GPCPD1: variants seen among roughly 807,000 people sequenced by gnomAD.
GPCPD1 encodes glycerophosphocholine phosphodiesterase 1.
GPCPD1 carries 29 observed loss-of-function variants against 89.2 expected under a neutral mutation model. The observed-to-expected ratio is 0.33, with a 90% CI of 0.24 to 0.44. The LOEUF is 0.44. GPCPD1 is among the 20% of genes least tolerant of loss of function. GPCPD1 has a pLI of 1.00. For synonymous variants in GPCPD1, 258 were observed against 266.3 expected (o/e 0.97, Z 0.30); for missense variants, 594 against 808.9 (o/e 0.73, Z 3.22).
In GPCPD1 at chr20:5,580,074, C is replaced by T. The variant is rs1036818982; in HGVS notation, c.407G>A (p.Arg136His). The T allele has an allele frequency of 8.0e-6, 12 of 1,495,228 alleles. No individual in the cohort carries two copies. Among genetic ancestry groups the T allele is most frequent in the Non-Finnish European group, 1.1e-5 (12 of 1,072,396 alleles). The allele number at this position is 1,495,228 out of a possible 1,614,324, so 92.6% of individuals were successfully genotyped here. Residue 136 changes from arginine to histidine, a missense_variant, in exon 7 of 20, where the codon CGT (arginine) becomes CAT (histidine). By Grantham distance (29) the Arg-to-His change is conservative (BLOSUM62 0). Coordinates refer to ENST00000379019, the MANE Select transcript of GPCPD1 (RefSeq NM_019593.5). The part of the protein sequence containing the change: ...WLTCQTEIRL[R>H]LHYSEKPPVS... Reference sequence around the variant, plus strand: ...AGGAGGTTTTTCAGAATAATGCAAACGTAATCTTATTTCAGTCTGACATGT... The same window carrying T: ...AGGAGGTTTTTCAGAATAATGCAAATGTAATCTTATTTCAGTCTGACATGT...
At chr20:5,561,984 C>G (rs1986111607) in intron 15 of GPCPD1, among the ~76,000 whole-genome samples, 1 of 152,132 alleles carries the variant, frequency 6.6e-6, no homozygotes, top group South Asian at 2.1e-4. Flanking sequence ...TGATGCTAAA[C>G]AAATCCCATA....
chr20:5,545,669 T>C lies in GPCPD1; in HGVS notation c.*1992A>G, dbSNP rs1984995449. The C allele has an allele frequency of 6.6e-6, 1 of 152,144 alleles. No individual in the cohort carries two copies. The highest frequency in any genetic ancestry group is 6.5e-5 in the Admixed American group (1 of 15,270). The allele number at this position is 152,144 out of a possible 1,614,324, so 9.4% of individuals were successfully genotyped here. ...AGGCCCGGACTTAGTCCTGTGAAAATAAGGAGCCATTGCTTGTCATGTTTT... is the reference window on the plus strand; with the variant it reads ...AGGCCCGGACTTAGTCCTGTGAAAACAAGGAGCCATTGCTTGTCATGTTTT... On this transcript the variant is annotated 3_prime_UTR_variant, in exon 20 of 20. Coordinates refer to ENST00000379019, the MANE Select transcript of GPCPD1 (RefSeq NM_019593.5).
intron 6 of GPCPD1, among the ~76,000 whole-genome samples, chr20:5,581,003 A>C (rs915346225): frequency 2.0e-5 from 3 of 151,720 alleles, no homozygotes; most frequent in African/African-American, 7.3e-5. Flanking sequence ...CCTCCCAAGT[A>C]GCTGGGATTA....
intron 17 of GPCPD1, 130 bp from the exon 18 acceptor site, chr20:5,558,949 TCCCA>T (rs1985930776): frequency 1.5e-6 from 1 of 647,906 alleles, no homozygotes; most frequent in Admixed American, 3.8e-5. Context: ...ACACCTGTAA[TCCCA>T]ACACTTTGGG....
chr20:5,594,771 G>A lies in GPCPD1; in HGVS notation c.147-1360C>T, dbSNP rs114442640. 1.7e-3 allele frequency among the ~76,000 whole-genome samples: 262 copies of A among 152,260 alleles called. 2 individuals carry two copies. Among genetic ancestry groups the A allele is most frequent in the African/African-American group, 6.1e-3 (252 of 41,550 alleles). On this transcript the variant is annotated intron_variant, in intron 3 of 19. Transcript: ENST00000379019. ...AAATACAGATATAGCTCATTGTATTGCACTTTATTATACTTCACAGATACT... is the reference window on the plus strand; with the variant it reads ...AAATACAGATATAGCTCATTGTATTACACTTTATTATACTTCACAGATACT...
intron 4 of GPCPD1, among the ~76,000 whole-genome samples, chr20:5,589,482 C>T (rs1979171516): frequency 6.6e-6 from 1 of 152,186 alleles, no homozygotes; most frequent in East Asian, 1.9e-4. Context: ...CATAGTGGTG[C>T]ATGCCTGTAA....
chr20:5,560,029 C>G lies in GPCPD1; in HGVS notation c.1443G>C (p.Leu481=), dbSNP rs761823455. The G allele has an allele frequency of 6.3e-6, 10 of 1,582,700 alleles. No individual in the cohort carries two copies. Among genetic ancestry groups the G allele is most frequent in the Non-Finnish European group, 8.6e-6 (10 of 1,160,290 alleles). ...CAGTTTTTAAAATTATATCCAAAAA[C>G]AGATTCATGTCAAAATATGTTGATA... ...GNLSTYFDMN[L]FLDIILKTVL... The change falls in exon 17 of 20, where the codon CTG becomes CTC. Residue 481 remains leucine, a synonymous_variant. Coordinates refer to ENST00000379019, the MANE Select transcript of GPCPD1 (RefSeq NM_019593.5).
At chr20:5,569,346 A>G (rs1986576322) in intron 12 of GPCPD1, among the ~76,000 whole-genome samples, 1 of 152,220 alleles carries the variant, frequency 6.6e-6, no homozygotes, top group African/African-American at 2.4e-5. Context: ...GGAAATTAAT[A>G]CCCAACACAG....
intron 6 of GPCPD1, among the ~76,000 whole-genome samples, chr20:5,582,924 T>C (rs961925023): frequency 1.3e-5 from 2 of 149,070 alleles, no homozygotes. Context: ...CAGTTTAGTA[T>C]AATAGCCCTG....
At chr20:5,556,981 G>A (rs563173016) in intron 19 of GPCPD1, among the ~76,000 whole-genome samples, 46 of 152,370 alleles carry the variant, frequency 3.0e-4, no homozygotes, top group Admixed American at 1.6e-3. Flanking sequence ...AGTGCACTGT[G>A]AATAGAAGTT....
At chr20:5,580,256 T>C in intron 6 of GPCPD1, 125 bp from the exon 7 acceptor site, 1 of 537,270 alleles carries the variant, frequency 1.9e-6, no homozygotes. Flanking sequence ...CCAAAGGAAA[T>C]ACATTTTTTA....
chr20:5,595,726 CT>C (rs1205156337), intron 3 of GPCPD1, among the ~76,000 whole-genome samples: 7 of 151,448 alleles, frequency 4.6e-5, no homozygotes, highest in Non-Finnish European at 1.0e-4. Context: ...CCTCAGAATC[CT>C]TTTCAACAGA....
At position 5,547,470 on chromosome 20, in the gene GPCPD1, C is replaced by T; in HGVS notation, c.*191G>A. On this transcript the variant is annotated 3_prime_UTR_variant, in exon 20 of 20. Transcript: ENST00000379019. Reference sequence around the variant, plus strand: ...AATTTTCTCACTATAAAGAGACTGACTGGCAATTATACCTGGCCAAGTAAT... The same window carrying T: ...AATTTTCTCACTATAAAGAGACTGATTGGCAATTATACCTGGCCAAGTAAT... 1 of 373,536 alleles carries T rather than the reference C, an allele frequency of 2.7e-6. No individual in the cohort carries two copies. Among genetic ancestry groups the T allele is most frequent in the Non-Finnish European group, 4.8e-6 (1 of 208,772 alleles). 23.1% of individuals were successfully genotyped at this position (373,536 alleles called of 1,614,324 possible). A position where few individuals can be genotyped will look rare whatever the true frequency, so the allele number is the denominator to read the frequency against.
intron 1 of GPCPD1, 83 bp downstream of exon 1, chr20:5,610,759 C>A (rs1980917696): frequency 1.3e-5 from 2 of 149,636 alleles, no homozygotes; most frequent in Admixed American, 6.7e-5. Context: ...ACGCCCCAGG[C>A]CCGCCGCGTC....
chr20:5,550,446 A>G (rs1227712172), intron 19 of GPCPD1, among the ~76,000 whole-genome samples: 1 of 152,190 alleles, frequency 6.6e-6, no homozygotes, highest in African/African-American at 2.4e-5. Context: ...TCCTGTGTTT[A>G]AGAACATGTA....
In GPCPD1 at chr20:5,578,606, T is replaced by C; in HGVS notation, c.479A>G (p.Lys160Arg). The change falls in exon 8 of 20, where the codon AAG becomes AGG. Residue 160 changes from lysine (K) to arginine (R), a missense_variant. Lys to Arg is a conservative substitution (Grantham distance 26, BLOSUM62 2). Coordinates refer to ENST00000379019, the MANE Select transcript of GPCPD1 (RefSeq NM_019593.5). ...TTCCTCCAGGCCTTCTAGTGTCAGCTTCACCCTACGTAATAAACAAAATAA... is the reference window on the plus strand; with the variant it reads ...TTCCTCCAGGCCTTCTAGTGTCAGCCTCACCCTACGTAATAAACAAAATAA... The part of the protein sequence containing the change: ...KKLKKSRFRV[K>R]LTLEGLEEDD... The C allele has an allele frequency of 6.3e-7, 1 of 1,594,204 alleles. No homozygotes were observed. The highest frequency in any genetic ancestry group is 8.6e-7 in the Non-Finnish European group (1 of 1,161,918).
intron 10 of GPCPD1, among the ~76,000 whole-genome samples, chr20:5,574,948 A>G (rs1978285924): frequency 6.6e-6 from 1 of 152,240 alleles, no homozygotes; most frequent in African/African-American, 2.4e-5. Flanking sequence ...AGGGGAAGAC[A>G]ACTATTCCAG....
At chr20:5,584,465 T>G in intron 5 of GPCPD1, 143 bp from the exon 6 acceptor site, 1 of 489,364 alleles carries the variant, frequency 2.0e-6, no homozygotes, top group Non-Finnish European at 3.7e-6. Context: ...AGCATATTTA[T>G]TGTAGCCCTC....
At chr20:5,610,174 C>T (rs1268207183) in intron 1 of GPCPD1, among the ~76,000 whole-genome samples, 5 of 151,330 alleles carry the variant, frequency 3.3e-5, no homozygotes, top group Non-Finnish European at 7.3e-5. Context: ...GATTGAGGCT[C>T]TCTCTCCTAC....
Sources: allele counts gnomAD v4.1 joint callset (sites outside exome capture counted in the v4.1 genomes callset), GRCh38; gene constraint gnomAD v4.1.1; transcripts MANE v1.5; gene names NCBI Gene and HGNC (gene_info 2026-07-23, HGNC 2026-07-21).